The following PDE4D variants were observed in gnomAD, a reference collection of about 807,000 sequenced individuals.
PDE4D encodes 3',5'-cyclic-AMP phosphodiesterase 4D.
In PDE4D, 24 loss-of-function variants were observed where a neutral mutation model predicts 87.4. That is an observed-to-expected ratio of 0.27 (90% confidence interval 0.20 to 0.39). The LOEUF (loss-of-function observed/expected upper bound fraction) is 0.39. PDE4D is among the 10% of genes least tolerant of loss of function. PDE4D has a pLI of 1.00. For missense variants in PDE4D, 714 were observed against 1,041.0 expected, an observed-to-expected ratio of 0.69 and a Z score of 4.32; for synonymous variants, 384 against 383.2, an observed-to-expected ratio of 1.00 and a Z score of -0.02.
chr5:59,225,817 T>A (rs6450513), intron 1 of PDE4D, among the ~76,000 whole-genome samples: 1 of 149,878 alleles, frequency 6.7e-6, no homozygotes, highest in African/African-American at 2.5e-5. Flanking sequence ...CAAAACCCAA[T>A]TGAAACCCCT....
At chr5:59,742,684 A>G (rs1187885827) in intron 1 of PDE4D, among the ~76,000 whole-genome samples, 1 of 152,176 alleles carries the variant, frequency 6.6e-6, no homozygotes, top group Admixed American at 6.5e-5. Context: ...CCCAAGAAAC[A>G]CACTTAGGTA....
chr5:60,106,599 T>C (rs935844271), intron 2 of PDE4D, among the ~76,000 whole-genome samples: 1 of 150,418 alleles, frequency 6.6e-6, no homozygotes, highest in Non-Finnish European at 1.5e-5. Context: ...ATTGACCACA[T>C]AGTTGGAAGT....
At chr5:59,465,802 G>T (rs752946884) in intron 1 of PDE4D, among the ~76,000 whole-genome samples, 22 of 152,150 alleles carry the variant, frequency 1.4e-4, no homozygotes, top group Non-Finnish European at 2.2e-4. Context: ...ATTTTGACAT[G>T]ACTGGGCTAA....
chr5:59,796,166 C>T (rs538008160), intron 1 of PDE4D, among the ~76,000 whole-genome samples: 1 of 152,212 alleles, frequency 6.6e-6, no homozygotes, highest in East Asian at 1.9e-4. Context: ...GTCAAAAGAT[C>T]AGGGAGGAAG....
At chr5:59,512,468 G>A (rs1012658650) in intron 1 of PDE4D, among the ~76,000 whole-genome samples, 1 of 152,090 alleles carries the variant, frequency 6.6e-6, no homozygotes, top group Non-Finnish European at 1.5e-5. Context: ...ATCAATGAAA[G>A]CTTTTTTCAA....
At position 60,227,277 on chromosome 5, in the gene PDE4D, A is replaced by G. The variant is rs146015414; in HGVS notation, c.-89-41590T>C. Among the ~76,000 whole-genome samples, 230 of 152,192 alleles carry G rather than the reference A, an allele frequency of 1.5e-3. 1 individual carries two copies. Among genetic ancestry groups the G allele is most frequent in the African/African-American group, 5.5e-3 (228 of 41,550 alleles). ...GCCTAATATATGATTGGCATTTGGT[A>G]ATTATTAGTACCCTTTCCCTTTCAG... On this transcript the variant is annotated intron_variant, in intron 1 of 16. Coordinates refer to the PDE4D transcript ENST00000502484.
chr5:59,206,965 T>C (rs1308640957), intron 2 of PDE4D, among the ~76,000 whole-genome samples: 4 of 152,092 alleles, frequency 2.6e-5, no homozygotes, highest in Non-Finnish European at 5.9e-5. Flanking sequence ...GGAGTATTGC[T>C]TGAGCTCAGG....
intron 2 of PDE4D, among the ~76,000 whole-genome samples, chr5:59,998,643 G>T (rs973700): frequency 0.83 from 125,850 of 152,022 alleles, 52,298 homozygotes; most frequent in East Asian, 0.97. Context: ...CTCTTTTTTA[G>T]TTTTTTATTT....
At chr5:59,492,037 C>G (rs1319204249) in intron 1 of PDE4D, among the ~76,000 whole-genome samples, 1 of 152,168 alleles carries the variant, frequency 6.6e-6, no homozygotes, top group Non-Finnish European at 1.5e-5. Context: ...AGAGAGAAAT[C>G]TACTGCACAC....
chr5:59,024,118 T>C (rs1367019113), intron 6 of PDE4D, among the ~76,000 whole-genome samples: 1 of 149,990 alleles, frequency 6.7e-6, no homozygotes, highest in Non-Finnish European at 1.5e-5. Context: ...GCCAGGCTGG[T>C]CTCAAACTTC....
At chr5:60,079,082 A>G (rs1334487985) in intron 2 of PDE4D, among the ~76,000 whole-genome samples, 1 of 151,976 alleles carries the variant, frequency 6.6e-6, no homozygotes, top group African/African-American at 2.4e-5. Flanking sequence ...TGTCGTTCTG[A>G]TTGGCATGAG....
intron 2 of PDE4D, among the ~76,000 whole-genome samples, chr5:60,146,887 A>G (rs1781044743): frequency 6.6e-6 from 1 of 152,236 alleles, no homozygotes; most frequent in Non-Finnish European, 1.5e-5. Context: ...AACATCACTA[A>G]TCATAGGAAA....
intron 2 of PDE4D, among the ~76,000 whole-genome samples, chr5:59,206,857 C>T (rs1748905420): frequency 6.6e-6 from 1 of 152,144 alleles, no homozygotes; most frequent in Non-Finnish European, 1.5e-5. Flanking sequence ...TCTTCTTCTT[C>T]CCAGCCTGCC....
At chr5:59,204,333 C>A (rs1748255107) in intron 2 of PDE4D, among the ~76,000 whole-genome samples, 1 of 151,982 alleles carries the variant, frequency 6.6e-6, no homozygotes, top group African/African-American at 2.4e-5. Context: ...ATAATCTAGT[C>A]TAAAATGGAA....
At chr5:59,060,891 C>A (rs190576823) in intron 5 of PDE4D, among the ~76,000 whole-genome samples, 1 of 152,254 alleles carries the variant, frequency 6.6e-6, no homozygotes, top group Non-Finnish European at 1.5e-5. Flanking sequence ...ACTTGGAAAT[C>A]ATTCCAGCCT....
intron 1 of PDE4D, among the ~76,000 whole-genome samples, chr5:59,824,055 A>AT (rs898737693): frequency 2.6e-5 from 4 of 151,768 alleles, no homozygotes; most frequent in African/African-American, 9.7e-5. Flanking sequence ...CAAGTAGTTC[A>AT]TTTTTTGACT....
intron 1 of PDE4D, among the ~76,000 whole-genome samples, chr5:59,802,251 A>C (rs3105420): frequency 6.9e-6 from 1 of 144,872 alleles, no homozygotes; most frequent in Non-Finnish European, 1.5e-5. Flanking sequence ...TTTTTTTTTT[A>C]AAGTTCTCTA....
At chr5:60,429,683 A>G (rs1183370760) in intron 1 of PDE4D, among the ~76,000 whole-genome samples, 1 of 152,186 alleles carries the variant, frequency 6.6e-6, no homozygotes, top group Non-Finnish European at 1.5e-5. Flanking sequence ...AGGTTGCTGA[A>G]TTTTATCAAA....
intron 1 of PDE4D, among the ~76,000 whole-genome samples, chr5:59,467,177 C>G (rs1358252442): frequency 6.6e-6 from 1 of 152,198 alleles, no homozygotes; most frequent in Non-Finnish European, 1.5e-5. Flanking sequence ...CCAGAACTAT[C>G]AGTAAATCAA....
Sources: allele counts gnomAD v4.1 joint callset (sites outside exome capture counted in the v4.1 genomes callset), GRCh38; gene constraint gnomAD v4.1.1; transcripts MANE v1.5; gene names NCBI Gene and HGNC (gene_info 2026-07-23, HGNC 2026-07-21).